RBMS3: variants seen among roughly 807,000 people sequenced by gnomAD.
The protein encoded by RBMS3 is RNA binding motif single stranded interacting protein 3.
Under a neutral mutation model 66.8 loss-of-function variants are expected in RBMS3, and 27 were observed. The ratio of observed to expected loss-of-function variants is 0.40; its 90% confidence interval spans 0.30 to 0.56. The LOEUF (loss-of-function observed/expected upper bound fraction) is 0.56. Ranked by LOEUF, RBMS3 falls within the 20% of genes least tolerant of loss-of-function variation. The pLI is 0.40. For missense variants in RBMS3, 513 were observed against 549.5 expected (o/e 0.93, Z 0.66); for synonymous variants, 188 against 183.0 (o/e 1.03, Z -0.22).
chr3:29,345,304 A>C (rs917131982), intron 1 of RBMS3, among the ~76,000 whole-genome samples: 4 of 152,208 alleles, frequency 2.6e-5, no homozygotes, highest in Non-Finnish European at 4.4e-5. Flanking sequence ...GAATGAATAA[A>C]TTGTCTCTTG....
At position 29,578,890 on chromosome 3, in the gene RBMS3, T is replaced by C. The variant is rs982739369; in HGVS notation, c.308-8224T>C. Among the ~76,000 whole-genome samples the C allele has an allele frequency of 1.5e-5, 2 of 132,094 alleles. 1 individual carries two copies. The highest frequency in any genetic ancestry group is 3.1e-5 in the Non-Finnish European group (2 of 64,092). The allele number at this position is 132,094 out of a possible 152,430, so 86.7% of individuals were successfully genotyped here. On this transcript the variant is annotated intron_variant, in intron 3 of 14. Coordinates refer to ENST00000383767, the MANE Select transcript of RBMS3 (RefSeq NM_001003793.3). ...AATCTCGGCTCACTGCAAGCTCCGC[T>C]TCCCGGGTTCACGCCATTCTCCTGC...
intron 4 of RBMS3, chr3:29,616,916 G>T (rs1456764298): frequency 1.3e-5 from 2 of 152,182 alleles, no homozygotes; most frequent in South Asian, 2.1e-4. Context: ...CTGGTTGGGA[G>T]AAATATATAC....
chr3:29,750,430 T>C (rs9882206), intron 5 of RBMS3, among the ~76,000 whole-genome samples: 70,352 of 151,612 alleles, frequency 0.46, 17,420 homozygotes, highest in African/African-American at 0.64. Context: ...CATAAAACAA[T>C]GTAATATAAT....
intron 4 of RBMS3, among the ~76,000 whole-genome samples, chr3:29,721,647 G>A (rs990201851): frequency 6.6e-6 from 1 of 152,120 alleles, no homozygotes; most frequent in African/African-American, 2.4e-5. Flanking sequence ...TCCATGTTGT[G>A]GATGAGGTTG....
intron 1 of RBMS3, among the ~76,000 whole-genome samples, chr3:29,327,652 A>G (rs1233282017): frequency 2.6e-5 from 4 of 152,220 alleles, no homozygotes; most frequent in African/African-American, 9.6e-5. Context: ...TCATCATAAA[A>G]TGAGAATGAT....
rs191193875 is a variant in RBMS3, at chr3:29,385,150, T to C, written c.76-49593T>C. On this transcript the variant is annotated intron_variant, in intron 1 of 14. Transcript: ENST00000383767. ...GTTTAGTATTTGCCATTCTGAAAGATGATCAGAAAGCAAACCCCTTAAAGA... is the reference window on the plus strand; with the variant it reads ...GTTTAGTATTTGCCATTCTGAAAGACGATCAGAAAGCAAACCCCTTAAAGA... Among the ~76,000 whole-genome samples the C allele has an allele frequency of 1.2e-3, 190 of 152,306 alleles. 1 individual carries two copies. The highest frequency in any genetic ancestry group is 0.012 in the South Asian group (57 of 4,828).
intron 6 of RBMS3, among the ~76,000 whole-genome samples, chr3:29,845,655 T>C (rs1484498671): frequency 6.6e-6 from 1 of 152,172 alleles, no homozygotes; most frequent in South Asian, 2.1e-4. Context: ...AGATAAACAA[T>C]GGACAAAATA....
At chr3:29,371,388 T>C (rs1416071156) in intron 1 of RBMS3, among the ~76,000 whole-genome samples, 1 of 152,174 alleles carries the variant, frequency 6.6e-6, no homozygotes, top group African/African-American at 2.4e-5. Flanking sequence ...AAACATGTAC[T>C]TGATGGTCCA....
intron 12 of RBMS3, among the ~76,000 whole-genome samples, chr3:29,969,062 ATAATTAAAG>A (rs555849027): frequency 6.1e-4 from 91 of 148,360 alleles, no homozygotes; most frequent in African/African-American, 2.3e-3. Flanking sequence ...AGTGGTGAAA[ATAATTAAAG>A]TAATTAGGCA....
chr3:29,477,182 C>T (rs1380592620), intron 2 of RBMS3, among the ~76,000 whole-genome samples: 1 of 151,860 alleles, frequency 6.6e-6, no homozygotes, highest in African/African-American at 2.4e-5. Flanking sequence ...TTCGTTTGAC[C>T]CTTGAGTGAT....
At chr3:29,543,605 G>A (rs1387332734) in intron 3 of RBMS3, among the ~76,000 whole-genome samples, 1 of 152,186 alleles carries the variant, frequency 6.6e-6, no homozygotes, top group East Asian at 1.9e-4. Context: ...AGCTACTCAG[G>A]TGGCTGAGGC....
chr3:29,711,298 T>C (rs13314754), intron 4 of RBMS3, among the ~76,000 whole-genome samples: 2,168 of 152,270 alleles, frequency 0.014, 49 homozygotes, highest in African/African-American at 0.045. Context: ...ACTAGCGTAG[T>C]AAAGGAAATG....
At chr3:29,904,706 A>G (rs185913257) in intron 10 of RBMS3, among the ~76,000 whole-genome samples, 1 of 152,160 alleles carries the variant, frequency 6.6e-6, no homozygotes, top group African/African-American at 2.4e-5. Flanking sequence ...CCATAACCTC[A>G]ATTAAAAGCA....
intron 12 of RBMS3, among the ~76,000 whole-genome samples, chr3:29,960,228 C>T (rs1455790056): frequency 6.6e-6 from 1 of 152,192 alleles, no homozygotes; most frequent in South Asian, 2.1e-4. Flanking sequence ...AAAGGGACTA[C>T]AGACCCCATG....
intron 7 of RBMS3, among the ~76,000 whole-genome samples, chr3:29,878,684 T>A (rs1205022659): frequency 6.6e-6 from 1 of 152,110 alleles, no homozygotes; most frequent in Non-Finnish European, 1.5e-5. Flanking sequence ...TTAAGACAAG[T>A]CATAGAAGAC....
intron 4 of RBMS3, among the ~76,000 whole-genome samples, chr3:29,648,079 A>C (rs191156685): frequency 6.6e-6 from 1 of 152,132 alleles, no homozygotes; most frequent in African/African-American, 2.4e-5. Flanking sequence ...TTGTAACCTG[A>C]ATATTTATAA....
At chr3:29,330,883 T>C (rs2035613869) in intron 1 of RBMS3, among the ~76,000 whole-genome samples, 1 of 152,116 alleles carries the variant, frequency 6.6e-6, no homozygotes, top group South Asian at 2.1e-4. Context: ...ACCCGGATGG[T>C]GATTGAATTG....
chr3:29,895,045 G>T (rs1022971860), intron 8 of RBMS3, among the ~76,000 whole-genome samples: 2 of 151,494 alleles, frequency 1.3e-5, no homozygotes, highest in African/African-American at 2.4e-5. Flanking sequence ...GATTGTGCTA[G>T]CCAGTGCAAA....
chr3:29,476,973 G>T (rs1297090093), intron 2 of RBMS3, among the ~76,000 whole-genome samples: 3 of 152,054 alleles, frequency 2.0e-5, no homozygotes, highest in African/African-American at 7.2e-5. Flanking sequence ...ATACATCATT[G>T]AGTTATTTGT....
Sources: gnomAD v4.1 joint callset for allele counts (sites outside exome capture counted in the v4.1 genomes callset) on GRCh38, gnomAD v4.1.1 for gene constraint, MANE v1.5 for transcripts, NCBI Gene and HGNC (gene_info 2026-07-23, HGNC 2026-07-21) for gene names.